The following CDH19 variants were observed in gnomAD, a reference collection of about 807,000 sequenced individuals.
CDH19 encodes cadherin-19.
In CDH19, 67 loss-of-function variants were observed where a neutral mutation model predicts 64.2. The ratio of observed to expected loss-of-function variants is 1.04; its 90% CI spans 0.86 to 1.28. CDH19 has a LOEUF of 1.28. Ranked by LOEUF, CDH19 falls within the 50% of genes most tolerant of loss-of-function variation. CDH19 has a pLI of 0.00. For missense variants in CDH19, 1,030 were observed against 929.0 expected, an observed-to-expected ratio of 1.11 and a Z score of -1.41; for synonymous variants, 346 against 319.3, an observed-to-expected ratio of 1.08 and a Z score of -0.89.
intron 1 of CDH19, among the ~76,000 whole-genome samples, chr18:66,576,882 G>A (rs1483555972): frequency 4.6e-5 from 7 of 151,474 alleles, no homozygotes; most frequent in Admixed American, 2.0e-4. Context: ...GAGGATACAC[G>A]GTCAATATTA....
At position 66,604,011 on chromosome 18, in the gene CDH19, G is replaced by A. The variant is rs955041871; in HGVS notation, c.-170C>T. ...AAACTGAACAGCAAACTTCGTGTTG[G>A]ACACATAAGGAAGAGTAGGAAAAAC... On this transcript the variant is annotated 5_prime_UTR_variant, in exon 1 of 12. Transcript: ENST00000262150. 3.0e-4 allele frequency: 45 copies of A among 152,006 alleles called. No individual in the cohort carries two copies. Among genetic ancestry groups the A allele is most frequent in the African/African-American group, 1.0e-3 (43 of 41,384 alleles). The allele number at this position is 152,006 out of a possible 1,614,324, so 9.4% of individuals were successfully genotyped here.
intron 2 of CDH19, among the ~76,000 whole-genome samples, chr18:66,570,561 T>C (rs1449071811): frequency 3.3e-5 from 5 of 151,712 alleles, no homozygotes; most frequent in Non-Finnish European, 7.4e-5. Context: ...AGAGTTATCT[T>C]GAACGCAGCA....
chr18:66,508,882 T>G, intron 11 of CDH19, 113 bp downstream of exon 11: 1 of 1,119,742 alleles, frequency 8.9e-7, no homozygotes, highest in Non-Finnish European at 1.3e-6. Flanking sequence ...ATAATAGAAT[T>G]AACTATGTAT....
intron 7 of CDH19, among the ~76,000 whole-genome samples, chr18:66,536,620 T>A (rs2144450071): frequency 1.3e-5 from 2 of 151,896 alleles, no homozygotes; most frequent in South Asian, 4.1e-4. Flanking sequence ...AATAAATTGG[T>A]TCAGTTCCCA....
At chr18:66,582,654 A>AAC (rs1033718710) in intron 1 of CDH19, among the ~76,000 whole-genome samples, 3 of 150,786 alleles carry the variant, frequency 2.0e-5, no homozygotes, top group African/African-American at 7.3e-5. Flanking sequence ...AAAAAAAAAA[A>AAC]AAAAAAAAGC....
chr18:66,596,506 G>T (rs8087257), intron 1 of CDH19, among the ~76,000 whole-genome samples: 51,265 of 151,848 alleles, frequency 0.34, 10,072 homozygotes, highest in Non-Finnish European at 0.45. Context: ...TATATACTGA[G>T]AACGTCCATG....
intron 3 of CDH19, among the ~76,000 whole-genome samples, chr18:66,566,974 A>G (rs1987933840): frequency 6.6e-6 from 1 of 151,776 alleles, no homozygotes; most frequent in African/African-American, 2.4e-5. Flanking sequence ...TGTGGTATGG[A>G]TGGCCTCTTT....
At chr18:66,518,967 T>A (rs1453301719) in intron 9 of CDH19, among the ~76,000 whole-genome samples, 1 of 152,180 alleles carries the variant, frequency 6.6e-6, no homozygotes, top group Non-Finnish European at 1.5e-5. Context: ...GCTAAACCAA[T>A]GGTTACATCT....
chr18:66,513,337 A>T (rs1985583310), intron 9 of CDH19, among the ~76,000 whole-genome samples: 1 of 151,540 alleles, frequency 6.6e-6, no homozygotes, highest in African/African-American at 2.4e-5. Context: ...AATGAGCAAG[A>T]TTTCAACAGT....
At chr18:66,508,928 A>C in intron 11 of CDH19, 67 bp downstream of exon 11, 1 of 1,491,614 alleles carries the variant, frequency 6.7e-7, no homozygotes, top group Non-Finnish European at 9.2e-7. Context: ...GTATATGTTC[A>C]GTTCAGCACC....
intron 1 of CDH19, among the ~76,000 whole-genome samples, chr18:66,573,002 T>C (rs1988153711): frequency 6.6e-6 from 1 of 151,680 alleles, no homozygotes; most frequent in African/African-American, 2.4e-5. Context: ...GGTGAATGTT[T>C]GTAATATGTA....
chr18:66,575,849 T>C (rs908606706), intron 1 of CDH19, among the ~76,000 whole-genome samples: 1 of 151,840 alleles, frequency 6.6e-6, no homozygotes, highest in African/African-American at 2.4e-5. Flanking sequence ...AATTGGCTGT[T>C]AAAGCAAAAA....
At position 66,505,289 on chromosome 18, in the gene CDH19, C is replaced by CA; in HGVS notation, c.1841dup (p.Leu614PhefsTer16). 1.3e-6 allele frequency: 2 copies of CA among 1,553,606 alleles called. No individual in the cohort carries two copies. Among genetic ancestry groups the CA allele is most frequent in the Non-Finnish European group, 8.6e-7 (1 of 1,156,286 alleles). On this transcript the variant is annotated frameshift_variant, in exon 12 of 12. Coordinates refer to ENST00000262150, the MANE Select transcript of CDH19 (RefSeq NM_021153.4). LOFTEE classifies it low-confidence loss of function (END_TRUNC). Reference sequence around the variant, plus strand: ...TTCTCCGTTGTTTTAAACCCAAAGTCAAAAAAATAAACCCTGATGAAGAAA... The same window carrying CA: ...TTCTCCGTTGTTTTAAACCCAAAGTCAAAAAAAATAAACCCTGATGAAGAAA...
intron 1 of CDH19, among the ~76,000 whole-genome samples, chr18:66,577,157 C>T (rs1279753329): frequency 1.3e-5 from 2 of 151,612 alleles, no homozygotes; most frequent in Non-Finnish European, 3.0e-5. Flanking sequence ...TGTATAAATG[C>T]AATTTTAAAA....
intron 1 of CDH19, among the ~76,000 whole-genome samples, chr18:66,591,142 G>A (rs1480472644): frequency 4.0e-5 from 6 of 151,800 alleles, no homozygotes; most frequent in East Asian, 3.9e-4. Context: ...GCTGCAAGAC[G>A]ATTTAATAAA....
At chr18:66,598,312 C>T (rs1488296204) in intron 1 of CDH19, among the ~76,000 whole-genome samples, 1 of 152,104 alleles carries the variant, frequency 6.6e-6, no homozygotes, top group Non-Finnish European at 1.5e-5. Flanking sequence ...TACCATTCAA[C>T]TCAGCAATCC....
intron 9 of CDH19, among the ~76,000 whole-genome samples, chr18:66,515,469 T>C (rs543458257): frequency 6.6e-6 from 1 of 151,910 alleles, no homozygotes; most frequent in South Asian, 2.1e-4. Context: ...GTCTAGGTTG[T>C]AGTATGCTTG....
In CDH19 at chr18:66,599,429, G is replaced by T. The variant is rs975091970; in HGVS notation, c.-113+4525C>A. On this transcript the variant is annotated intron_variant, in intron 1 of 11. Transcript: ENST00000262150. ...GGGTGGGGCAGATGAGGAAATGAAG[G>T]TCAAATCTCAGACAGGAGGAGTATG... Among the ~76,000 whole-genome samples, 7 of 152,014 alleles carry T rather than the reference G, an allele frequency of 4.6e-5. No individual in the cohort carries two copies. The East Asian group carries it at 1.2e-3, about 25-fold the overall frequency.
At chr18:66,588,845 A>G (rs902349674) in intron 1 of CDH19, among the ~76,000 whole-genome samples, 2 of 151,722 alleles carry the variant, frequency 1.3e-5, no homozygotes, top group African/African-American at 2.4e-5. Context: ...ATGCAGATAC[A>G]CCACTAAACT....
Sources: gnomAD v4.1 joint callset for allele counts (sites outside exome capture counted in the v4.1 genomes callset) on GRCh38, gnomAD v4.1.1 for gene constraint, MANE v1.5 for transcripts, NCBI Gene and HGNC (gene_info 2026-07-23, HGNC 2026-07-21) for gene names.